The following COL26A1 variants were observed in gnomAD, a reference collection of about 807,000 sequenced individuals.
COL26A1 encodes the protein collagen type XXVI alpha 1 chain.
A neutral mutation model predicts 59.3 loss-of-function variants in COL26A1; 41 were observed. The observed-to-expected ratio is 0.69, with a 90% CI of 0.54 to 0.90. The LOEUF (loss-of-function observed/expected upper bound fraction) is 0.90, where lower values mean the gene tolerates loss of function less well. Among genes scored for constraint, COL26A1 ranks in the 40% least tolerant of loss-of-function variants. COL26A1 has a pLI of 0.00. For synonymous variants in COL26A1, 266 were observed against 256.0 expected (o/e 1.04, Z -0.37); for missense variants, 612 against 602.3 (o/e 1.02, Z -0.17).
intron 10 of COL26A1, among the ~76,000 whole-genome samples, chr7:101,551,845 G>A (rs1200996655): frequency 1.3e-5 from 2 of 152,176 alleles, no homozygotes; most frequent in South Asian, 4.2e-4. Flanking sequence ...GTGTGGGGCG[G>A]GGAGGAGGAG....
chr7:101,375,989 G>GGAA (rs1417044385), intron 1 of COL26A1, among the ~76,000 whole-genome samples: 1 of 122,794 alleles, frequency 8.1e-6, no homozygotes, highest in Non-Finnish European at 1.6e-5. Flanking sequence ...CCATCTCAAA[G>GGAA]AAAAAAAAAA....
rs1467930174 is a variant in COL26A1, at chr7:101,378,782, T to C, written c.158+15592T>C. 2.0e-5 allele frequency among the ~76,000 whole-genome samples: 3 copies of C among 152,144 alleles called. No individual in the cohort carries two copies. In the East Asian group the frequency reaches 5.8e-4, roughly 29 times the overall value. ...TCTTGTTCTGGAAATGCAAGGACTCTGCGGCATTTGTCCGAGAATCTCCGA... is the reference window on the plus strand; with the variant it reads ...TCTTGTTCTGGAAATGCAAGGACTCCGCGGCATTTGTCCGAGAATCTCCGA... On this transcript the variant is annotated intron_variant, in intron 1 of 12. Transcript: ENST00000313669.
chr7:101,385,349 A>G (rs542498720), intron 1 of COL26A1, among the ~76,000 whole-genome samples: 15 of 143,492 alleles, frequency 1.0e-4, no homozygotes, highest in Middle Eastern at 3.6e-3. Context: ...ATATATATAT[A>G]TGTGTATATA....
rs1562967774 is a variant in COL26A1 at position 101,413,548 on chromosome 7, A to AAAGGG, written c.159-6426_159-6425insGGAAG. 4.1e-4 allele frequency among the ~76,000 whole-genome samples: 63 copies of AAAGGG among 152,210 alleles called. 1 individual carries two copies. The highest frequency in any genetic ancestry group is 7.1e-4 in the Non-Finnish European group (48 of 68,024). On this transcript the variant is annotated intron_variant, in intron 1 of 12. Transcript: ENST00000313669. ...AAAAGAAAGGAAATGAAAGGAAAGGAAAGAAAAAGAAAAGAAGAAAGAAAA... is the reference window on the plus strand; with the variant it reads ...AAAAGAAAGGAAATGAAAGGAAAGGAAAGGGAAGAAAAAGAAAAGAAGAAAGAAAA...
chr7:101,362,926 C>T lies in COL26A1; in HGVS notation c.-107C>T. 2.5e-5 allele frequency: 30 copies of T among 1,197,918 alleles called. No individual in the cohort carries two copies. The highest frequency in any genetic ancestry group is 3.4e-5 in the Non-Finnish European group (30 of 893,146). The allele number at this position is 1,197,918 out of a possible 1,614,324, so 74.2% of individuals were successfully genotyped here. ...CCGGGCTCCGACCGCTCGCCCCGCTCCTCTCGCTGTGCTCCCGGCCGGTGC... is the reference window on the plus strand; with the variant it reads ...CCGGGCTCCGACCGCTCGCCCCGCTTCTCTCGCTGTGCTCCCGGCCGGTGC... On this transcript the variant is annotated 5_prime_UTR_variant, in exon 1 of 13. Coordinates refer to ENST00000313669, the MANE Select transcript of COL26A1 (RefSeq NM_001278563.3).
At chr7:101,462,612 C>T (rs1006516571) in intron 3 of COL26A1, among the ~76,000 whole-genome samples, 10 of 152,140 alleles carry the variant, frequency 6.6e-5, no homozygotes, top group Admixed American at 2.0e-4. Flanking sequence ...CCACCGTGCC[C>T]GGCCTTAACT....
chr7:101,467,969 G>A (rs1793805594), intron 3 of COL26A1, among the ~76,000 whole-genome samples: 1 of 152,114 alleles, frequency 6.6e-6, no homozygotes. Flanking sequence ...ATTTACATAT[G>A]CAAGCTTTTA....
chr7:101,383,974 A>AT (rs56402267), intron 1 of COL26A1, among the ~76,000 whole-genome samples: 17,401 of 149,906 alleles, frequency 0.12, 1,110 homozygotes, highest in Non-Finnish European at 0.15. Context: ...CCAGCCGATA[A>AT]TTTTTTTTTT....
At position 101,363,095 on chromosome 7, in the gene COL26A1, C is replaced by T. The variant is rs4989267; in HGVS notation, c.63C>T (p.Thr21=). The change falls in exon 1 of 13, where the codon ACC becomes ACT. Residue 21 remains threonine (T), a synonymous_variant. Coordinates refer to ENST00000313669, the MANE Select transcript of COL26A1 (RefSeq NM_001278563.3). ...CCCLCGSALA[T]GFLYPFSAAA... ...GCCTCTGCGGGTCGGCGCTGGCCAC[C>T]GGCTTCCTCTATCCCTTCTCGGCCG... 0.51 allele frequency: 804,453 copies of T among 1,564,484 alleles called. 211,142 individuals carry two copies. Among genetic ancestry groups the T allele is most frequent in the African/African-American group, 0.8 (57,965 of 72,250 alleles).
At chr7:101,543,058 G>C (rs1001670605) in intron 5 of COL26A1, among the ~76,000 whole-genome samples, 2 of 152,166 alleles carry the variant, frequency 1.3e-5, no homozygotes, top group African/African-American at 4.8e-5. Context: ...CGCAGGTGGG[G>C]CTCTTCCGAG....
chr7:101,534,437 C>A (rs1459302582), intron 4 of COL26A1, among the ~76,000 whole-genome samples: 4 of 152,126 alleles, frequency 2.6e-5, no homozygotes. Context: ...CACACACATG[C>A]ACACATAGGC....
chr7:101,479,122 A>G (rs1794106293), intron 3 of COL26A1, among the ~76,000 whole-genome samples: 1 of 152,236 alleles, frequency 6.6e-6, no homozygotes, highest in African/African-American at 2.4e-5. Context: ...GAAAATACTT[A>G]CAGTTAATTC....
At chr7:101,433,590 G>A (rs1034170226) in intron 2 of COL26A1, among the ~76,000 whole-genome samples, 2 of 152,082 alleles carry the variant, frequency 1.3e-5, no homozygotes, top group East Asian at 1.9e-4. Context: ...GGAGACCCTG[G>A]CAAATGCAGT....
intron 4 of COL26A1, among the ~76,000 whole-genome samples, chr7:101,539,030 T>C (rs1459548917): frequency 6.6e-6 from 1 of 152,244 alleles, no homozygotes; most frequent in East Asian, 1.9e-4. Context: ...ACGGGGCCTC[T>C]GAGTCCTGGC....
rs563017448 is a variant in COL26A1 at position 101,420,095 on chromosome 7, G to C, written c.277G>C (p.Val93Leu). 12 of 1,612,848 alleles carry C rather than the reference G, an allele frequency of 7.4e-6. No homozygotes were observed. The highest frequency in any genetic ancestry group is 4.4e-5 in the South Asian group (4 of 91,068). Reference protein sequence around the residue: ...CRWPGPCANLVSYRTLIRPTY... With the variant: ...CRWPGPCANLLSYRTLIRPTY... ...GTGGCCGGGGCCCTGCGCCAACCTC[G>C]TAAGGTAAAGGCCGCTGGGCTAGGC... is the stretch of plus-strand genomic sequence containing the variant. The change falls in exon 2 of 13, where the codon GTA (valine) becomes CTA (leucine). Residue 93 changes from valine (V) to leucine (L), a missense_variant. Physicochemically the swap from Val to Leu is conservative, Grantham distance 32. Transcript: ENST00000313669.
intron 1 of COL26A1, among the ~76,000 whole-genome samples, chr7:101,396,724 A>T (rs1216958054): frequency 6.6e-6 from 1 of 152,070 alleles, no homozygotes; most frequent in Non-Finnish European, 1.5e-5. Context: ...GGCCTCCCAA[A>T]GGTGCTGGGG....
intron 3 of COL26A1, among the ~76,000 whole-genome samples, chr7:101,474,089 A>G (rs1490633263): frequency 6.6e-6 from 1 of 152,150 alleles, no homozygotes; most frequent in Non-Finnish European, 1.5e-5. Flanking sequence ...TGAGCCCTCA[A>G]CATCACTTCC....
At chr7:101,382,029 G>GT (rs1454210613) in intron 1 of COL26A1, among the ~76,000 whole-genome samples, 1 of 152,068 alleles carries the variant, frequency 6.6e-6, no homozygotes, top group Non-Finnish European at 1.5e-5. Flanking sequence ...TTTTCCATTT[G>GT]TTTTTTAAAA....
At chr7:101,546,401 A>AT (rs79673492) in intron 7 of COL26A1, among the ~76,000 whole-genome samples, 493 of 141,928 alleles carry the variant, frequency 3.5e-3, no homozygotes, top group South Asian at 0.012. Context: ...CATCTAACTA[A>AT]TTTTTTTTTT....
Sources: gnomAD v4.1 joint callset for allele counts (sites outside exome capture counted in the v4.1 genomes callset) on GRCh38, gnomAD v4.1.1 for gene constraint, MANE v1.5 for transcripts, NCBI Gene and HGNC (gene_info 2026-07-23, HGNC 2026-07-21) for gene names.